The following BANP variants were observed in gnomAD, a reference collection of about 807,000 sequenced individuals.
The protein encoded by BANP is BTG3 associated nuclear protein.
BANP carries 11 observed loss-of-function variants against 68.1 expected under a neutral mutation model. The ratio of observed to expected loss-of-function variants is 0.16; its 90% CI spans 0.10 to 0.27. The LOEUF (loss-of-function observed/expected upper bound fraction) is 0.27. BANP is among the 10% of genes least tolerant of loss of function. BANP has a pLI of 1.00. For missense variants in BANP, 504 were observed against 722.7 expected (o/e 0.70, Z 3.47); for synonymous variants, 329 against 303.2 (o/e 1.09, Z -0.88).
In BANP at chr16:88,004,328, T is replaced by C. The variant is rs1288457395; in HGVS notation, c.396T>C (p.Asn132=). ...VVPQTTVILN[N]DRQNAIVAKM... ...CCCAGACTACAGTAATACTCAACAATGATCGGCAGAACGCCATTGTAGCCA... is the reference window on the plus strand; with the variant it reads ...CCCAGACTACAGTAATACTCAACAACGATCGGCAGAACGCCATTGTAGCCA... The change falls in exon 5 of 14, where the codon AAT becomes AAC. Residue 132 remains asparagine, a synonymous_variant. Coordinates refer to ENST00000682872, the MANE Select transcript of BANP (RefSeq NM_001386991.1). This position sits in a 1 kb window ranked among gnomAD's most constrained non-coding sequence, Gnocchi z 7.0. The C allele has an allele frequency of 4.7e-5, 73 of 1,549,704 alleles. No individual in the cohort carries two copies. The highest frequency in any genetic ancestry group is 6.2e-5 in the Non-Finnish European group (71 of 1,145,898).
At chr16:88,019,039 C>G (rs2075262007) in intron 7 of BANP, among the ~76,000 whole-genome samples, 1 of 152,198 alleles carries the variant, frequency 6.6e-6, no homozygotes, top group Non-Finnish European at 1.5e-5. Context: ...CCCCCCTGAG[C>G]CTCTCCTAAG....
At chr16:87,950,989 C>T (rs1225297803), upstream of BANP, 3 of 152,368 alleles carry the variant, frequency 2.0e-5, no homozygotes, top group African/African-American at 7.2e-5. Context: ...CCCAGCAACC[C>T]TTGGTGCGGG....
chr16:88,014,251 A>G (rs1342449860), intron 6 of BANP, among the ~76,000 whole-genome samples: 1 of 152,172 alleles, frequency 6.6e-6, no homozygotes, highest in Non-Finnish European at 1.5e-5. Context: ...GGTGGAGGGC[A>G]CGGCCAGCCT....
chr16:88,007,711 C>T (rs1208879042), intron 6 of BANP, among the ~76,000 whole-genome samples: 1 of 152,218 alleles, frequency 6.6e-6, no homozygotes, highest in African/African-American at 2.4e-5. Flanking sequence ...TGAACAAAGG[C>T]TTTCCTGTTA....
At chr16:87,960,912 T>C (rs553552058) in intron 1 of BANP, among the ~76,000 whole-genome samples, 5 of 152,330 alleles carry the variant, frequency 3.3e-5, no homozygotes, top group Admixed American at 6.5e-5. Flanking sequence ...TCAAGTGAAG[T>C]TGGAGTTTTG....
chr16:88,044,733 C>A (rs2081575877), intron 11 of BANP, among the ~76,000 whole-genome samples: 1 of 152,160 alleles, frequency 6.6e-6, no homozygotes, highest in African/African-American at 2.4e-5. Flanking sequence ...CCTGTAATCC[C>A]AGCACTTTGG....
intron 4 of BANP, among the ~76,000 whole-genome samples, chr16:87,994,941 T>A (rs2066785159): frequency 1.3e-5 from 2 of 152,158 alleles, no homozygotes; most frequent in South Asian, 4.1e-4. Flanking sequence ...ATCTTGCTTA[T>A]GTTCAGGGTG....
intron 6 of BANP, among the ~76,000 whole-genome samples, chr16:88,014,861 G>C (rs2074099115): frequency 6.6e-6 from 1 of 152,046 alleles, no homozygotes; most frequent in Non-Finnish European, 1.5e-5. Flanking sequence ...CATGTACCCA[G>C]AGTTCCCATT....
intron 6 of BANP, among the ~76,000 whole-genome samples, chr16:88,010,062 T>A (rs916082182): frequency 6.6e-6 from 1 of 152,270 alleles, no homozygotes; most frequent in Non-Finnish European, 1.5e-5. Flanking sequence ...AGACTGTGTC[T>A]TCATTCTTGT....
chr16:87,984,377 A>G (rs1274027782), intron 4 of BANP, 118 bp downstream of exon 4: 16 of 1,131,220 alleles, frequency 1.4e-5, no homozygotes, highest in Non-Finnish European at 2.0e-5. Flanking sequence ...TGTCTGCCTC[A>G]GCAGTCTCAG....
intron 1 of BANP, among the ~76,000 whole-genome samples, chr16:87,961,746 G>A (rs2059195643): frequency 6.6e-6 from 1 of 152,150 alleles, no homozygotes; most frequent in African/African-American, 2.4e-5. Context: ...GAGGTGATTG[G>A]ATCATGAGGG....
At chr16:88,047,955 C>T (rs889574756) in intron 11 of BANP, among the ~76,000 whole-genome samples, 2 of 152,160 alleles carry the variant, frequency 1.3e-5, no homozygotes, top group Non-Finnish European at 2.9e-5. Context: ...AGGGCTTGGC[C>T]GAAGCAAACA....
chr16:87,965,871 A>G (rs984953814), intron 1 of BANP, among the ~76,000 whole-genome samples: 5 of 152,180 alleles, frequency 3.3e-5, no homozygotes, highest in Admixed American at 1.3e-4. Context: ...AATAAGGCCT[A>G]TGGAAAGCTC....
At chr16:87,951,679 C>T (rs2056897204) in intron 1 of BANP, among the ~76,000 whole-genome samples, 164 bp downstream of exon 1, 1 of 148,690 alleles carries the variant, frequency 6.7e-6, no homozygotes. Flanking sequence ...CCCCCCGGGC[C>T]CCGCTCCCCG....
chr16:88,048,334 C>G (rs568254707), intron 11 of BANP, among the ~76,000 whole-genome samples: 1 of 152,180 alleles, frequency 6.6e-6, no homozygotes, highest in South Asian at 2.1e-4. Context: ...AATTGTAGAA[C>G]TAAATAAAGC....
At chr16:88,009,247 T>C (rs2072273930) in intron 6 of BANP, among the ~76,000 whole-genome samples, 1 of 152,202 alleles carries the variant, frequency 6.6e-6, no homozygotes. Context: ...AGCGAGTTTC[T>C]ACGAGGGAAA....
intron 4 of BANP, among the ~76,000 whole-genome samples, chr16:87,998,842 C>G (rs1288407234): frequency 1.4e-5 from 2 of 141,728 alleles, no homozygotes; most frequent in African/African-American, 5.3e-5. Context: ...ACGTGCGCGG[C>G]TGTACTTACC....
intron 1 of BANP, 82 bp downstream of exon 1, chr16:87,951,597 C>G (rs2056858639): frequency 6.6e-6 from 1 of 151,034 alleles, no homozygotes; most frequent in Non-Finnish European, 1.5e-5. Context: ...CTCCCTCCTC[C>G]CTCCTCCTCC....
In BANP at chr16:87,957,872, G is replaced by A. The variant is rs941894234; in HGVS notation, c.-69+6357G>A. Among the ~76,000 whole-genome samples, 1 of 152,026 alleles carries A rather than the reference G, an allele frequency of 6.6e-6. No homozygotes were observed. Among genetic ancestry groups the A allele is most frequent in the African/African-American group, 2.4e-5 (1 of 41,388 alleles). On this transcript the variant is annotated intron_variant, in intron 1 of 13. Transcript: ENST00000682872. This position sits in a 1 kb window ranked among gnomAD's most constrained non-coding sequence, Gnocchi z 4.3. ...CTGTGGGCGCTGGTGGCCAGGATGC[G>A]GACAACCCCTGCCGCTACGTGTCCT... is the stretch of plus-strand genomic sequence containing the variant.
Sources: allele counts gnomAD v4.1 joint callset (sites outside exome capture counted in the v4.1 genomes callset), GRCh38; gene constraint gnomAD v4.1.1; non-coding constraint Gnocchi (gnomAD v3.1); transcripts MANE v1.5; gene names NCBI Gene and HGNC (gene_info 2026-07-23, HGNC 2026-07-21).